The following FANCA variants were observed in gnomAD, a reference collection of about 807,000 sequenced individuals.
The protein encoded by FANCA is FA complementation group A.
Under a neutral mutation model 194.3 loss-of-function variants are expected in FANCA, and 236 were observed. That is an observed-to-expected ratio of 1.21 (90% CI 1.09 to 1.35). FANCA has a LOEUF of 1.35. Ranked by LOEUF, FANCA falls within the 40% of genes most tolerant of loss-of-function variation. FANCA has a pLI of 0.00. For missense variants in FANCA, 2,628 were observed against 1,813.9 expected, an observed-to-expected ratio of 1.45 and a Z score of -8.15; for synonymous variants, 1,014 against 715.8, an observed-to-expected ratio of 1.42 and a Z score of -6.65.
chr16:89,789,935 C>G (rs1268277504), intron 14 of FANCA, among the ~76,000 whole-genome samples: 1 of 152,116 alleles, frequency 6.6e-6, no homozygotes, highest in Admixed American at 6.6e-5. Context: ...CTCAAATGGG[C>G]CCTGGATCTT....
intron 27 of FANCA, among the ~76,000 whole-genome samples, chr16:89,766,242 G>A (rs999193938): frequency 7.9e-5 from 12 of 151,576 alleles, no homozygotes; most frequent in African/African-American, 2.2e-4. Flanking sequence ...TGATCTGCCC[G>A]CCTCGGCCTC....
At chr16:89,791,145 C>G in intron 14 of FANCA, 1 of 524,988 alleles carries the variant, frequency 1.9e-6, no homozygotes, top group South Asian at 2.1e-5. Context: ...GAGACAGAAA[C>G]CAGGGGAAGG....
chr16:89,783,396 A>G (rs1294080641), intron 15 of FANCA, among the ~76,000 whole-genome samples: 1 of 151,826 alleles, frequency 6.6e-6, no homozygotes, highest in Non-Finnish European at 1.5e-5. Context: ...TAAAAATACA[A>G]AAAAATTAGC....
chr16:89,797,208 A>G (rs1281411082), intron 10 of FANCA, among the ~76,000 whole-genome samples: 1 of 151,838 alleles, frequency 6.6e-6, no homozygotes, highest in Admixed American at 6.6e-5. Flanking sequence ...GCACACACCT[A>G]TAGTCCCAGC....
rs760093330 is a variant in FANCA at position 89,799,273 on chromosome 16, C to G, written c.827-41G>C. 2.5e-6 allele frequency: 4 copies of G among 1,610,672 alleles called. No individual in the cohort carries two copies. The Admixed American group carries it at 6.7e-5, about 27-fold the overall frequency. On this transcript the variant is annotated intron_variant, in intron 9 of 42. Transcript: ENST00000389301. ...GGAACAGAAAACAGATGTCAGCACA[C>G]GGCGGCAGCCCACCAGAAACAATCC...
chr16:89,742,669 A>G, intron 37 of FANCA, 131 bp downstream of exon 37: 1 of 823,548 alleles, frequency 1.2e-6, no homozygotes. Flanking sequence ...AAAAAAAAAA[A>G]AAAAAAAGTC....
intron 11 of FANCA, among the ~76,000 whole-genome samples, chr16:89,793,603 G>A (rs1162561762): frequency 6.6e-6 from 1 of 152,062 alleles, no homozygotes; most frequent in Admixed American, 6.6e-5. Context: ...CCGCCCACAG[G>A]TTTTGTTTTT....
chr16:89,740,937 C>G, intron 37 of FANCA, 71 bp from the exon 38 acceptor site: 2 of 1,369,822 alleles, frequency 1.5e-6, no homozygotes, highest in Non-Finnish European at 2.0e-6. Context: ...AAGGCTGACA[C>G]ATTCCTCTTT....
At chr16:89,780,943 A>C (rs1329111937) in intron 17 of FANCA, among the ~76,000 whole-genome samples, 2 of 152,120 alleles carry the variant, frequency 1.3e-5, no homozygotes, top group Admixed American at 6.5e-5. Context: ...AAAAAAAAAA[A>C]AGTAATTTAT....
intron 20 of FANCA, among the ~76,000 whole-genome samples, chr16:89,776,672 A>G (rs901113397): frequency 1.3e-5 from 2 of 151,728 alleles, no homozygotes; most frequent in Admixed American, 6.6e-5. Flanking sequence ...CTAAAAATAC[A>G]AAAACAAAAT....
rs1214494868 is a variant in FANCA, at chr16:89,756,112, T to C, written c.2981+2465A>G. Among the ~76,000 whole-genome samples the C allele has an allele frequency of 2.0e-5, 3 of 152,352 alleles. 1 individual carries two copies. The highest frequency in any genetic ancestry group is 4.1e-4 in the South Asian group (2 of 4,826). ...AAAAAGGTACAAAAAATTATGGCTA[T>C]GTGGGATTACTGTCATATATGTGGC... On this transcript the variant is annotated intron_variant, in intron 30 of 42. Coordinates refer to ENST00000389301, the MANE Select transcript of FANCA (RefSeq NM_000135.4).
In FANCA at chr16:89,784,939, T is replaced by C. The variant is rs778623008; in HGVS notation, c.1385A>G (p.Tyr462Cys). The C allele has an allele frequency of 5.0e-6, 8 of 1,613,924 alleles. No individual in the cohort carries two copies. The African/African-American group carries it at 9.3e-5, about 19-fold the overall frequency. Residue 462 changes from tyrosine (Y) to cysteine (C), a missense_variant, in exon 15 of 43, where the codon TAC becomes TGC. Tyr to Cys is a radical substitution (Grantham distance 194, BLOSUM62 -2). Transcript: ENST00000389301. Reference protein sequence around the residue: ...FKASFGSTRGYHGCSKKALVF... With the variant: ...FKASFGSTRGCHGCSKKALVF... ...CAGGGCCTTCTTGCTGCAGCCATGGTAGCCTCGTGTGCTCCCAAAGGAGGC... is the reference window on the plus strand; with the variant it reads ...CAGGGCCTTCTTGCTGCAGCCATGGCAGCCTCGTGTGCTCCCAAAGGAGGC...
In FANCA at chr16:89,752,218, T is replaced by C. The variant is rs1349308347; in HGVS notation, c.2986A>G (p.Arg996Gly). ...NALMDFHQSS[R>G]SYDHSENSDL... is the part of the protein sequence containing the mutation. ...GAATTTTCTGAGTGGTCATAACTCC[T>C]TGAGCTGAAATGAAAATACAATAAA... is the stretch of plus-strand genomic sequence containing the variant. Residue 996 changes from arginine to glycine, a missense_variant, in exon 31 of 43, where the codon AGG (arginine) becomes GGG (glycine). Transcript: ENST00000389301. 6.2e-7 allele frequency: 1 copy of C among 1,613,160 alleles called. No individual in the cohort carries two copies. Among genetic ancestry groups the C allele is most frequent in the African/African-American group, 1.3e-5 (1 of 74,886 alleles).
intron 29 of FANCA, among the ~76,000 whole-genome samples, 179 bp downstream of exon 29, chr16:89,761,770 C>T (rs1361834482): frequency 2.0e-5 from 3 of 152,124 alleles, no homozygotes; most frequent in Admixed American, 6.6e-5. Context: ...ATGACTGGAA[C>T]GTGCCGCATG....
At chr16:89,747,544 C>A (rs1472813380) in intron 33 of FANCA, among the ~76,000 whole-genome samples, 2 of 152,052 alleles carry the variant, frequency 1.3e-5, no homozygotes, top group East Asian at 3.9e-4. Flanking sequence ...ACTAAAAATA[C>A]AAAACTTAGC....
rs61684026 is a variant in FANCA, at chr16:89,762,947, G to GA, written c.2779-926dup. ...GAAACCCTGTTTCTACTAAAAATAC[G>GA]AAAAAAAAAAAAAAAAAGGGTTGGG... On this transcript the variant is annotated intron_variant, in intron 28 of 42. Transcript: ENST00000389301. Among the ~76,000 whole-genome samples, 163 of 117,644 alleles carry GA rather than the reference G, an allele frequency of 1.4e-3. 1 individual carries two copies. Among genetic ancestry groups the GA allele is most frequent in the Middle Eastern group, 4.8e-3 (1 of 210 alleles). The allele number at this position is 117,644 out of a possible 152,430, so 77.2% of individuals were successfully genotyped here.
chr16:89,796,287 C>A (rs2040243785), intron 10 of FANCA, among the ~76,000 whole-genome samples: 1 of 151,852 alleles, frequency 6.6e-6, no homozygotes, highest in Non-Finnish European at 1.5e-5. Flanking sequence ...CGCGCCACAC[C>A]CGGGAGTGGA....
chr16:89,739,196 G>T lies in FANCA; in HGVS notation c.4104C>A (p.Phe1368Leu), dbSNP rs375237681. 1 of 1,614,138 alleles carries T rather than the reference G, an allele frequency of 6.2e-7. No individual in the cohort carries two copies. Among genetic ancestry groups the T allele is most frequent in the Non-Finnish European group, 8.5e-7 (1 of 1,180,032 alleles). Residue 1368 changes from phenylalanine (F) to leucine (L), a missense_variant, in exon 41 of 43, where the codon TTC becomes TTA. Physicochemically the swap from Phe to Leu is conservative, Grantham distance 22. Coordinates refer to ENST00000389301, the MANE Select transcript of FANCA (RefSeq NM_000135.4). The part of the protein sequence containing the change: ...VDMYLKLVQL[F>L]VAGDTSTVSP... ...AAACTGTGCTTGTATCCCCAGCCAC[G>T]AAGAGCTGGACCAGCTTCAAGTACA... is the stretch of plus-strand genomic sequence containing the variant.
chr16:89,738,781 GA>G, intron 42 of FANCA, 73 bp from the exon 43 acceptor site: 1 of 1,612,684 alleles, frequency 6.2e-7, no homozygotes, highest in Non-Finnish European at 8.5e-7. Context: ...GGCTCTGGCA[GA>G]AATAGTCGAG....
Sources: gnomAD v4.1 joint callset for allele counts (sites outside exome capture counted in the v4.1 genomes callset) on GRCh38, gnomAD v4.1.1 for gene constraint, MANE v1.5 for transcripts, NCBI Gene and HGNC (gene_info 2026-07-23, HGNC 2026-07-21) for gene names.